NUMB: variants seen among roughly 807,000 people sequenced by gnomAD.
The protein encoded by NUMB is protein numb homolog.
In NUMB, 29 loss-of-function variants were observed where a neutral mutation model predicts 59.7. That is an observed-to-expected ratio of 0.49 (90% CI 0.36 to 0.66). NUMB has a LOEUF of 0.66. NUMB is among the 30% of genes least tolerant of loss of function. The pLI, the probability that NUMB is intolerant of heterozygous loss-of-function variation, is 0.00. For synonymous variants in NUMB, 288 were observed against 288.2 expected (o/e 1.00, Z 0.01); for missense variants, 723 against 822.0 (o/e 0.88, Z 1.47).
intron 4 of NUMB, among the ~76,000 whole-genome samples, chr14:73,352,516 ATATATATATATATG>A (rs1893431983): frequency 1.6e-4 from 2 of 12,676 alleles, no homozygotes; most frequent in African/African-American, 6.9e-4. Flanking sequence ...ATATATATAT[ATATATATATATATG>A]TTTTTTTTTT....
intron 4 of NUMB, among the ~76,000 whole-genome samples, chr14:73,346,758 C>A (rs956601129): frequency 2.0e-5 from 3 of 152,066 alleles, no homozygotes; most frequent in Admixed American, 2.0e-4. Context: ...TTCCTATTTC[C>A]TTGAGAAAAT....
intron 4 of NUMB, among the ~76,000 whole-genome samples, chr14:73,328,920 G>T (rs190702295): frequency 6.6e-6 from 1 of 152,326 alleles, no homozygotes; most frequent in Admixed American, 6.5e-5. Context: ...AGGCTGGGGT[G>T]TGCAATGGCG....
At chr14:73,384,626 AGGGTGATCTT>A (rs1395174398) in intron 2 of NUMB, among the ~76,000 whole-genome samples, 1 of 152,142 alleles carries the variant, frequency 6.6e-6, no homozygotes, top group Non-Finnish European at 1.5e-5. Flanking sequence ...GGAGTGCCAT[AGGGTGATCTT>A]GGCTAACTGC....
intron 2 of NUMB, among the ~76,000 whole-genome samples, chr14:73,392,350 C>T (rs767082738): frequency 1.2e-4 from 19 of 152,154 alleles, no homozygotes; most frequent in Non-Finnish European, 2.6e-4. Context: ...AATTATGAGT[C>T]CTAACTAAAA....
chr14:73,289,009 T>C (rs1270038598), intron 8 of NUMB, among the ~76,000 whole-genome samples: 1 of 152,106 alleles, frequency 6.6e-6, no homozygotes. Context: ...CTGGGTGACA[T>C]AATGAGACCC....
chr14:73,425,945 A>ACT (rs1436607574), intron 1 of NUMB, among the ~76,000 whole-genome samples: 11 of 151,644 alleles, frequency 7.3e-5, no homozygotes, highest in African/African-American at 2.7e-4. Context: ...AATAGGTGGG[A>ACT]CTACAGGTAC....
At chr14:73,367,348 T>TATATAGAG (rs1555375287) in intron 2 of NUMB, among the ~76,000 whole-genome samples, 2,992 of 105,200 alleles carry the variant, frequency 0.028, 67 homozygotes, top group East Asian at 0.097. Flanking sequence ...TATATATATA[T>TATATAGAG]AGAGAGAGAG....
chr14:73,359,104 C>A (rs1206595699), intron 3 of NUMB, among the ~76,000 whole-genome samples: 1 of 152,156 alleles, frequency 6.6e-6, no homozygotes, highest in Non-Finnish European at 1.5e-5. Flanking sequence ...AAAGTGTCAG[C>A]CAGTTTAGGG....
intron 8 of NUMB, among the ~76,000 whole-genome samples, chr14:73,291,672 C>T (rs1333892371): frequency 1.3e-5 from 2 of 151,834 alleles, no homozygotes; most frequent in East Asian, 3.9e-4. Context: ...GCCACCATGC[C>T]CGGCCAGTAT....
chr14:73,401,988 G>A (rs2140118473), intron 2 of NUMB, among the ~76,000 whole-genome samples: 1 of 152,226 alleles, frequency 6.6e-6, no homozygotes. Context: ...CAGCCTTCGT[G>A]AGTAGCTAGG....
intron 1 of NUMB, among the ~76,000 whole-genome samples, chr14:73,420,555 C>T (rs1243570579): frequency 4.6e-5 from 7 of 152,114 alleles, no homozygotes; most frequent in African/African-American, 1.7e-4. Flanking sequence ...CACAGTGGCT[C>T]ACACCTGTAA....
At chr14:73,360,419 G>A (rs562050510) in intron 3 of NUMB, among the ~76,000 whole-genome samples, 1 of 152,222 alleles carries the variant, frequency 6.6e-6, no homozygotes, top group Admixed American at 6.5e-5. Context: ...TTAGCGAAGT[G>A]TGGTGGCGGG....
intron 2 of NUMB, among the ~76,000 whole-genome samples, chr14:73,370,987 T>TG (rs1174370213): frequency 2.0e-5 from 3 of 151,956 alleles, no homozygotes; most frequent in Non-Finnish European, 2.9e-5. Flanking sequence ...TTTCTTGAGA[T>TG]GGGGTCTCAC....
intron 1 of NUMB, among the ~76,000 whole-genome samples, chr14:73,426,169 T>G (rs1176194190): frequency 6.6e-6 from 1 of 152,216 alleles, no homozygotes; most frequent in African/African-American, 2.4e-5. Flanking sequence ...AAATCTTGGC[T>G]TCAGGCCAAG....
At chr14:73,316,233 G>A (rs924175721) in intron 6 of NUMB, among the ~76,000 whole-genome samples, 157 bp downstream of exon 6, 4 of 152,022 alleles carry the variant, frequency 2.6e-5, no homozygotes, top group African/African-American at 4.8e-5. Context: ...ATAATATCAC[G>A]GATAGTAACT....
chr14:73,312,821 A>T lies in NUMB; in HGVS notation c.234+3569T>A, dbSNP rs150482505. On this transcript the variant is annotated intron_variant, in intron 6 of 12. Transcript: ENST00000555238. ...ATATTTCTTTTTACGTTAAAAAAAA[A>T]TACAGTGTAAGTTATCTTTTAATCA... Among the ~76,000 whole-genome samples, 155 of 152,272 alleles carry T rather than the reference A, an allele frequency of 1.0e-3. 1 individual carries two copies. The highest frequency in any genetic ancestry group is 2.2e-3 in the African/African-American group (93 of 41,570).
chr14:73,357,735 C>T (rs1417418018), intron 3 of NUMB, among the ~76,000 whole-genome samples: 1 of 152,034 alleles, frequency 6.6e-6, no homozygotes, highest in East Asian at 1.9e-4. Flanking sequence ...TGCACTCCAG[C>T]CTGGGCAACA....
chr14:73,381,986 G>A (rs914757622), intron 2 of NUMB, among the ~76,000 whole-genome samples: 4 of 152,122 alleles, frequency 2.6e-5, no homozygotes, highest in Admixed American at 2.0e-4. Flanking sequence ...ACCTCACAGC[G>A]ACAGAAATTA....
intron 3 of NUMB, among the ~76,000 whole-genome samples, chr14:73,361,458 C>CTT (rs530239515): frequency 1.4e-5 from 2 of 145,510 alleles, no homozygotes; most frequent in Non-Finnish European, 3.0e-5. Context: ...TTCAGAATTT[C>CTT]TTTTTTTTTT....
Sources: gnomAD v4.1 joint callset for allele counts (sites outside exome capture counted in the v4.1 genomes callset) on GRCh38, gnomAD v4.1.1 for gene constraint, MANE v1.5 for transcripts, NCBI Gene and HGNC (gene_info 2026-07-23, HGNC 2026-07-21) for gene names.